The following CHD5 variants were observed in gnomAD, a reference collection of about 807,000 sequenced individuals.
CHD5 encodes the protein ATP-dependent chromatin remodeler CHD5.
Under a neutral mutation model 230.3 loss-of-function variants are expected in CHD5, and 69 were observed. The observed-to-expected ratio is 0.30, with a 90% CI of 0.25 to 0.37. The LOEUF is 0.37. Among genes scored for constraint, CHD5 ranks in the 10% least tolerant of loss-of-function variants. CHD5 has a pLI of 1.00. For missense variants in CHD5, 1,827 were observed against 2,622.8 expected, an observed-to-expected ratio of 0.70 and a Z score of 6.63; for synonymous variants, 1,064 against 1,065.9, an observed-to-expected ratio of 1.00 and a Z score of 0.03.
At chr1:6,139,517 G>T (rs1482011903) in intron 15 of CHD5, among the ~76,000 whole-genome samples, 4 of 151,680 alleles carry the variant, frequency 2.6e-5, no homozygotes, top group Non-Finnish European at 4.4e-5. Context: ...GATCACAGGG[G>T]TGAGCCACCG....
At chr1:6,172,851 G>A (rs11808710) in intron 1 of CHD5, among the ~76,000 whole-genome samples, 37,192 of 152,062 alleles carry the variant, frequency 0.24, 7,739 homozygotes, top group African/African-American at 0.57. Flanking sequence ...CCTCTGGGGA[G>A]GGGCAGCAGC....
chr1:6,140,599 G>T (rs1296816146), intron 15 of CHD5, among the ~76,000 whole-genome samples: 3 of 152,124 alleles, frequency 2.0e-5, no homozygotes, highest in Non-Finnish European at 4.4e-5. Context: ...ACCCAGTGAG[G>T]CCACGTGACT....
Position 6,152,474 on chromosome 1 carries a change from T to A in CHD5, c.808A>T (p.Lys270Ter). ...AAGCGGAACTTGAGCCCGGCCGTCT[T>A]TTTCCCTTTGCCCTTTTTCTTCCCA... ...KDGKKKGKGKKTAGLKFRFGG... is the reference protein window; with the variant it reads ...KDGKKKGKGK Residue 270 changes from lysine (K) to a stop codon, truncating the protein, a stop_gained, in exon 6 of 42, where the codon AAG becomes TAG. Coordinates refer to ENST00000262450, the MANE Select transcript of CHD5 (RefSeq NM_015557.3). LOFTEE classifies it high-confidence loss of function. 1.2e-6 allele frequency: 2 copies of A among 1,614,202 alleles called. No individual in the cohort carries two copies. The highest frequency in any genetic ancestry group is 1.7e-6 in the Non-Finnish European group (2 of 1,180,038).
intron 36 of CHD5, 27 bp downstream of exon 36, chr1:6,111,748 T>C (rs1263360635): frequency 1.3e-6 from 2 of 1,595,808 alleles, no homozygotes; most frequent in Admixed American, 1.7e-5. Flanking sequence ...GGCAAGTCCC[T>C]GCCCAGCCCG....
In CHD5 at chr1:6,154,525, C is replaced by A; in HGVS notation, c.745+135G>T. On this transcript the variant is annotated intron_variant, in intron 5 of 41. Transcript: ENST00000262450. This position sits in a 1 kb window ranked among gnomAD's most constrained non-coding sequence, Gnocchi z 7.0. ...GAAAGGACCGGGCAATCCAAGGTCACACAGGCACAGAGCCCTCCATTAGGA... is the reference window on the plus strand; with the variant it reads ...GAAAGGACCGGGCAATCCAAGGTCAAACAGGCACAGAGCCCTCCATTAGGA... 1.4e-6 allele frequency: 1 copy of A among 725,684 alleles called. No individual in the cohort carries two copies. Among genetic ancestry groups the A allele is most frequent in the Admixed American group, 3.4e-5 (1 of 29,620 alleles). 45.0% of individuals were successfully genotyped at this position (725,684 alleles called of 1,614,324 possible).
intron 2 of CHD5, 29 bp downstream of exon 2, chr1:6,168,121 A>T: frequency 6.3e-7 from 1 of 1,580,700 alleles, no homozygotes. Context: ...ACCCGCCCCA[A>T]GCTCGCCGGC....
chr1:6,127,063 G>A (rs1446198263), intron 25 of CHD5: 6 of 394,548 alleles, frequency 1.5e-5, no homozygotes, highest in Non-Finnish European at 2.3e-5. Flanking sequence ...TGGTTTCAAA[G>A]GAAAAGGTCA....
chr1:6,136,977 C>T lies in CHD5; in HGVS notation c.2437-112G>A, dbSNP rs752897000. 5.1e-5 allele frequency: 62 copies of T among 1,223,236 alleles called. 1 individual carries two copies. The highest frequency in any genetic ancestry group is 1.0e-4 in the Admixed American group (4 of 38,118). 75.8% of individuals were successfully genotyped at this position (1,223,236 alleles called of 1,614,324 possible). A position where few individuals can be genotyped will look rare whatever the true frequency, so the allele number is the denominator to read the frequency against. On this transcript the variant is annotated intron_variant, in intron 15 of 41. Coordinates refer to ENST00000262450, the MANE Select transcript of CHD5 (RefSeq NM_015557.3). ...TGCACAGGAACCCACAAAGGCTCCA[C>T]GGAGCCCTGGGCCGGCCAGCCTAGG...
intron 15 of CHD5, among the ~76,000 whole-genome samples, chr1:6,139,035 C>G (rs1666786930): frequency 6.6e-6 from 1 of 152,198 alleles, no homozygotes; most frequent in Admixed American, 6.5e-5. Context: ...CCCGATTCTA[C>G]TCATATGAAG....
At chr1:6,119,806 CATATATACGTAT>C (rs1433526060) in intron 33 of CHD5, among the ~76,000 whole-genome samples, 5 of 147,502 alleles carry the variant, frequency 3.4e-5, no homozygotes, top group Non-Finnish European at 7.4e-5. Context: ...TATGTACGTA[CATATATACGTAT>C]ATATATACGT....
At chr1:6,108,127 GATGATGGAGGGATGGAGGA>G (rs1666225699) in intron 38 of CHD5, among the ~76,000 whole-genome samples, 2 of 141,994 alleles carry the variant, frequency 1.4e-5, no homozygotes, top group Non-Finnish European at 3.1e-5. Context: ...GGCATAGAGG[GATGATGGAGGGATGGAGGA>G]ATGATGGAGG....
rs781041068 is a variant in CHD5 at position 6,159,525 on chromosome 1, A to G, written c.208-10T>C. The G allele has an allele frequency of 1.3e-6, 2 of 1,592,606 alleles. 1 individual carries two copies. Among genetic ancestry groups the G allele is most frequent in the South Asian group, 2.3e-5 (2 of 88,108 alleles). The stretch of plus-strand genomic sequence containing the variant: ...GCTCATCATTGCTCCCCTGGAAAAG[A>G]AGGGGGACAGTGAGGGCAACAGAGG... On this transcript the variant is annotated splice_polypyrimidine_tract_variant and intron_variant, in intron 2 of 41. Coordinates refer to ENST00000262450, the MANE Select transcript of CHD5 (RefSeq NM_015557.3).
chr1:6,129,055 G>C lies in CHD5; in HGVS notation c.3402C>G (p.Ala1134=). 1 of 1,603,142 alleles carries C rather than the reference G, an allele frequency of 6.2e-7. No homozygotes were observed. The highest frequency in any genetic ancestry group is 8.5e-7 in the Non-Finnish European group (1 of 1,175,050). The change falls in exon 23 of 42, where the codon GCC becomes GCG. Residue 1134 remains alanine, a synonymous_variant. Coordinates refer to ENST00000262450, the MANE Select transcript of CHD5 (RefSeq NM_015557.3). The surrounding 1 kb of genome is among the most constrained non-coding windows in gnomAD (Gnocchi z 6.8). ...CCTTCTTGTTCTGGCCGATGCGGTGGGCGCGGCTGAAGGCCTGGGGAGACC... is the reference window on the plus strand; with the variant it reads ...CCTTCTTGTTCTGGCCGATGCGGTGCGCGCGGCTGAAGGCCTGGGGAGACC... ...PHNDIQAFSR[A]HRIGQNKKVM...
chr1:6,154,346 G>A lies in CHD5; in HGVS notation c.745+314C>T, dbSNP rs1479134652. ...AGCGGCTCCACTCTGCGTACCTCTG[G>A]TCCCGCCCTCCCTCCAGGCCCACGT... On this transcript the variant is annotated intron_variant, in intron 5 of 41. Coordinates refer to ENST00000262450, the MANE Select transcript of CHD5 (RefSeq NM_015557.3). This position sits in a 1 kb window ranked among gnomAD's most constrained non-coding sequence, Gnocchi z 7.0. Among the ~76,000 whole-genome samples, 1 of 152,106 alleles carries A rather than the reference G, an allele frequency of 6.6e-6. No homozygotes were observed. Among genetic ancestry groups the A allele is most frequent in the Non-Finnish European group, 1.5e-5 (1 of 68,002 alleles).
chr1:6,167,577 C>T lies in CHD5; in HGVS notation c.207+573G>A, dbSNP rs945536534. 1.3e-5 allele frequency among the ~76,000 whole-genome samples: 2 copies of T among 152,180 alleles called. No individual in the cohort carries two copies. The highest frequency in any genetic ancestry group is 4.8e-5 in the African/African-American group (2 of 41,432). On this transcript the variant is annotated intron_variant, in intron 2 of 41. Transcript: ENST00000262450. The surrounding 1 kb of genome is among the most constrained non-coding windows in gnomAD (Gnocchi z 4.5). ...GGATCAAGTGAGCCCGCGTGAAGCA[C>T]AGAGAAGCACACTCGGAATGTGTCA...
rs758398717 is a variant in CHD5 at position 6,155,567 on chromosome 1, G to A, written c.506+32C>T. The A allele has an allele frequency of 1.5e-5, 23 of 1,554,438 alleles. No individual in the cohort carries two copies. Among genetic ancestry groups the A allele is most frequent in the Non-Finnish European group, 2.0e-5 (22 of 1,126,302 alleles). ...ACTTGGTACCACCAGAGGATGTGCGGGCCTGGAGAACAGCCCTAGTGCCCC... is the reference window on the plus strand; with the variant it reads ...ACTTGGTACCACCAGAGGATGTGCGAGCCTGGAGAACAGCCCTAGTGCCCC... On this transcript the variant is annotated intron_variant, in intron 4 of 41. Coordinates refer to ENST00000262450, the MANE Select transcript of CHD5 (RefSeq NM_015557.3). This position sits in a 1 kb window ranked among gnomAD's most constrained non-coding sequence, Gnocchi z 4.0.
At position 6,167,550 on chromosome 1, in the gene CHD5, G is replaced by A. The variant is rs1329915602; in HGVS notation, c.207+600C>T. Reference sequence around the variant, plus strand: ...GCCACCAATTTCCAGGGCTGATCATGAGGATCAAGTGAGCCCGCGTGAAGC... The same window carrying A: ...GCCACCAATTTCCAGGGCTGATCATAAGGATCAAGTGAGCCCGCGTGAAGC... On this transcript the variant is annotated intron_variant, in intron 2 of 41. Transcript: ENST00000262450. The surrounding 1 kb of genome is among the most constrained non-coding windows in gnomAD (Gnocchi z 4.5). 6.6e-6 allele frequency among the ~76,000 whole-genome samples: 1 copy of A among 152,214 alleles called. No individual in the cohort carries two copies. Among genetic ancestry groups the A allele is most frequent in the Non-Finnish European group, 1.5e-5 (1 of 68,046 alleles).
In CHD5 at chr1:6,149,313, T is replaced by C. The variant is rs1254343815; in HGVS notation, c.1094A>G (p.Tyr365Cys). 1 of 1,612,054 alleles carries C rather than the reference T, an allele frequency of 6.2e-7. No homozygotes were observed. The highest frequency in any genetic ancestry group is 1.1e-5 in the South Asian group (1 of 90,856). Residue 365 changes from tyrosine (Y) to cysteine (C), a missense_variant, in exon 8 of 42, where the codon TAC becomes TGC. By Grantham distance (194) the Tyr-to-Cys change is radical. Around this residue, in one of 14 missense-constraint regions of CHD5, gnomAD observed 657 missense variants for 816.4 expected, o/e 0.80. Coordinates refer to ENST00000262450, the MANE Select transcript of CHD5 (RefSeq NM_015557.3). The part of the protein sequence containing the change: ...IILCDTCPRA[Y>C]HLVCLDPELE... ...CTCTGGGTCCAGGCATACGAGATGG[T>C]AGGCCCTCGGGCAGGTGTCGCACAG...
At position 6,121,946 on chromosome 1, in the gene CHD5, C is replaced by G. The variant is rs578033238; in HGVS notation, c.4700-373G>C. On this transcript the variant is annotated intron_variant, in intron 31 of 41. Transcript: ENST00000262450. This position sits in a 1 kb window ranked among gnomAD's most constrained non-coding sequence, Gnocchi z 4.5. ...GGGCTGGCTGGTGTGTGCCTCTGGA[C>G]AGGGGGTGAATTTCCTCCCTGCCAA... Among the ~76,000 whole-genome samples the G allele has an allele frequency of 3.3e-5, 5 of 152,328 alleles. No homozygotes were observed. The East Asian group carries it at 9.7e-4, about 29-fold the overall frequency.
Sources: gnomAD v4.1 joint callset for allele counts (sites outside exome capture counted in the v4.1 genomes callset) on GRCh38, gnomAD v4.1.1 for gene constraint, gnomAD v4.1.1 regional missense constraint, Gnocchi (gnomAD v3.1) non-coding constraint, MANE v1.5 for transcripts, NCBI Gene and HGNC (gene_info 2026-07-23, HGNC 2026-07-21) for gene names.